ECPAS: variants seen among roughly 807,000 people sequenced by gnomAD.
ECPAS encodes proteasome adapter and scaffold protein ECM29.
ECPAS carries 70 observed loss-of-function variants against 255.1 expected under a neutral mutation model. The observed-to-expected ratio is 0.27, with a 90% CI of 0.23 to 0.33. The LOEUF is 0.33. Ranked by LOEUF, ECPAS falls within the 10% of genes least tolerant of loss-of-function variation. ECPAS has a pLI of 1.00. For missense variants in ECPAS, 1,817 were observed against 2,206.4 expected, an observed-to-expected ratio of 0.82 and a Z score of 3.54; for synonymous variants, 784 against 775.0, an observed-to-expected ratio of 1.01 and a Z score of -0.19.
intron 11 of ECPAS, 51 bp downstream of exon 11, chr9:111,425,692 A>G: frequency 1.8e-6 from 2 of 1,137,958 alleles, no homozygotes; most frequent in Non-Finnish European, 1.3e-6. Context: ...TGAAGCACTC[A>G]ATCATTCCAG....
At chr9:111,372,073 C>T (rs1006643787) in intron 42 of ECPAS, among the ~76,000 whole-genome samples, 1 of 152,094 alleles carries the variant, frequency 6.6e-6, no homozygotes, top group African/African-American at 2.4e-5. Context: ...AATTAATATG[C>T]GACAAGGTGA....
chr9:111,369,314 T>C (rs1665302408), intron 45 of ECPAS, 141 bp from the exon 46 acceptor site: 1 of 554,302 alleles, frequency 1.8e-6, no homozygotes, highest in Non-Finnish European at 2.8e-6. Flanking sequence ...TAAGTTTCCC[T>C]ATTTACAACA....
At chr9:111,376,859 A>G (rs554108555) in intron 36 of ECPAS, among the ~76,000 whole-genome samples, 22 of 152,316 alleles carry the variant, frequency 1.4e-4, no homozygotes, top group Admixed American at 4.6e-4. Flanking sequence ...AACTGACTAA[A>G]CAAATTTCTA....
intron 24 of ECPAS, among the ~76,000 whole-genome samples, chr9:111,407,052 C>T (rs1394454283): frequency 6.8e-6 from 1 of 147,612 alleles, no homozygotes; most frequent in Non-Finnish European, 1.5e-5. Flanking sequence ...TTTCTAAACT[C>T]TTAAAATAAT....
intron 33 of ECPAS, among the ~76,000 whole-genome samples, 190 bp downstream of exon 33, chr9:111,385,147 T>C (rs1174270777): frequency 6.6e-6 from 1 of 152,134 alleles, no homozygotes; most frequent in East Asian, 1.9e-4. Flanking sequence ...TTTCCCTAAG[T>C]CTATTTAATT....
At position 111,391,725 on chromosome 9, in the gene ECPAS, G is replaced by A. The variant is rs754225953; in HGVS notation, c.3161+31C>T. 2.2e-6 allele frequency: 3 copies of A among 1,371,078 alleles called. No individual in the cohort carries two copies. The South Asian group carries it at 3.6e-5, about 17-fold the overall frequency. 84.9% of individuals were successfully genotyped at this position (1,371,078 alleles called of 1,614,324 possible). On this transcript the variant is annotated intron_variant, in intron 29 of 49. Coordinates refer to ENST00000684092, the MANE Select transcript of ECPAS (RefSeq NM_001364929.1). ...TAAATGCATATATATATTTAAAGAT[G>A]TTTACCATTCAATGGATTTAGCATA...
At chr9:111,483,999 C>G (rs1371139644) in intron 1 of ECPAS, 117 bp downstream of exon 1, 3 of 1,006,656 alleles carry the variant, frequency 3.0e-6, no homozygotes. Flanking sequence ...CGCCGCCCGC[C>G]CCGCGTGCGC....
chr9:111,475,500 C>T (rs1273856481), intron 1 of ECPAS, among the ~76,000 whole-genome samples: 1 of 152,004 alleles, frequency 6.6e-6, no homozygotes, highest in Admixed American at 6.6e-5. Flanking sequence ...TTTGGGAGGC[C>T]GAGGCAGGCA....
intron 18 of ECPAS, among the ~76,000 whole-genome samples, chr9:111,416,024 C>T (rs1415475300): frequency 6.6e-6 from 1 of 152,144 alleles, no homozygotes; most frequent in Non-Finnish European, 1.5e-5. Context: ...ATAGTAATCA[C>T]TACAGAACAT....
chr9:111,400,503 GCTGTTTT>G (rs758519316), intron 24 of ECPAS, among the ~76,000 whole-genome samples: 14 of 152,286 alleles, frequency 9.2e-5, no homozygotes, highest in Non-Finnish European at 2.1e-4. Context: ...ATTCAAGATA[GCTGTTTT>G]AAGAATGCTT....
intron 3 of ECPAS, among the ~76,000 whole-genome samples, chr9:111,448,762 T>G (rs368663463): frequency 2.0e-5 from 3 of 152,210 alleles, no homozygotes; most frequent in Non-Finnish European, 4.4e-5. Flanking sequence ...CTGACCAGAA[T>G]GCAATAAAAC....
At chr9:111,404,389 A>C (rs2098180756) in intron 24 of ECPAS, among the ~76,000 whole-genome samples, 1 of 149,674 alleles carries the variant, frequency 6.7e-6, no homozygotes, top group African/African-American at 2.5e-5. Flanking sequence ...AGGATACAAA[A>C]TCAACATACA....
intron 1 of ECPAS, chr9:111,483,566 G>A (rs1386582250): frequency 3.4e-6 from 3 of 885,362 alleles, no homozygotes; most frequent in African/African-American, 1.8e-5. Context: ...AGGGAACGAG[G>A]GAGGGGCTGG....
At chr9:111,364,126 G>C (rs1317582674) in intron 48 of ECPAS, among the ~76,000 whole-genome samples, 1 of 152,166 alleles carries the variant, frequency 6.6e-6, no homozygotes, top group Non-Finnish European at 1.5e-5. Flanking sequence ...TCCATAAAAG[G>C]ATGCTGCTGC....
chr9:111,362,221 A>C (rs1009513124), intron 49 of ECPAS, 52 bp from the exon 50 acceptor site: 9 of 1,455,932 alleles, frequency 6.2e-6, no homozygotes, highest in Admixed American at 2.6e-5. Context: ...CAAAGCAAAA[A>C]GAAAAAACCC....
chr9:111,457,924 G>A (rs1237925250), intron 2 of ECPAS, among the ~76,000 whole-genome samples: 1 of 152,110 alleles, frequency 6.6e-6, no homozygotes, highest in Non-Finnish European at 1.5e-5. Context: ...AGTTATAAAT[G>A]TGATTTAGGA....
At position 111,442,357 on chromosome 9, in the gene ECPAS, G is replaced by A; in HGVS notation, c.338C>T (p.Ala113Val). ...TTCCATGGCAGTAAGAAGCGTAGGG[G>A]CCAGTTCACATTGTTTTTCCACTGG... The part of the protein sequence containing the change: ...RLPVEKQCEL[A>V]PTLLTAMEGK... The change falls in exon 5 of 50, where the codon GCC becomes GTC. Residue 113 changes from alanine to valine, a missense_variant. This residue lies in a region of ECPAS where 90 missense variants were observed against 158.5 expected (regional missense o/e 0.57). Transcript: ENST00000684092. 1.2e-6 allele frequency: 2 copies of A among 1,613,108 alleles called. No homozygotes were observed. The highest frequency in any genetic ancestry group is 1.7e-6 in the Non-Finnish European group (2 of 1,179,512).
In ECPAS at chr9:111,389,652, T is replaced by G. The variant is rs376977537; in HGVS notation, c.3351A>C (p.Leu1117=). Reference sequence around the variant, plus strand: ...ACTGGTAACGATAAAGTCGAGGAACTAGCTGAGGCAGAAAAGGAGCCAGCT... The same window carrying G: ...ACTGGTAACGATAAAGTCGAGGAACGAGCTGAGGCAGAAAAGGAGCCAGCT... ...GEQLAPFLPQ[L]VPRLYRYQFD... Residue 1117 remains leucine (L), a synonymous_variant, in exon 31 of 50, where the codon CTA becomes CTC. Coordinates refer to ENST00000684092, the MANE Select transcript of ECPAS (RefSeq NM_001364929.1). 3 of 1,613,832 alleles carry G rather than the reference T, an allele frequency of 1.9e-6. No homozygotes were observed. In the African/African-American group the frequency reaches 4.0e-5, roughly 22 times the overall value.
rs1225233532 is a variant in ECPAS at position 111,376,510 on chromosome 9, G to A, written c.3986C>T (p.Ala1329Val). The A allele has an allele frequency of 1.2e-6, 2 of 1,600,470 alleles. No individual in the cohort carries two copies. Among genetic ancestry groups the A allele is most frequent in the East Asian group, 4.5e-5 (2 of 44,426 alleles). ...AAMDSARLSAAKSSPMMETIN... is the reference protein window; with the variant it reads ...AAMDSARLSAVKSSPMMETIN... ...TGTTTCCATCATTGGAGAAGATTTGGCAGCACTAAGCCGAGCACTATCCAT... is the reference window on the plus strand; with the variant it reads ...TGTTTCCATCATTGGAGAAGATTTGACAGCACTAAGCCGAGCACTATCCAT... The change falls in exon 37 of 50, where the codon GCC becomes GTC. Residue 1329 changes from alanine to valine, a missense_variant. This residue lies in a region of ECPAS where 960 missense variants were observed against 1,179.0 expected (regional missense o/e 0.81). Coordinates refer to ENST00000684092, the MANE Select transcript of ECPAS (RefSeq NM_001364929.1).
Sources: gnomAD v4.1 joint callset for allele counts (sites outside exome capture counted in the v4.1 genomes callset) on GRCh38, gnomAD v4.1.1 for gene constraint, gnomAD v4.1.1 regional missense constraint, MANE v1.5 for transcripts, NCBI Gene and HGNC (gene_info 2026-07-23, HGNC 2026-07-21) for gene names.